Variants in ZPBP observed in about 807,000 individuals in gnomAD.
ZPBP encodes the protein zona pellucida binding protein.
Under a neutral mutation model 44.8 loss-of-function variants are expected in ZPBP, and 26 were observed. That is an observed-to-expected ratio of 0.58 (90% CI 0.43 to 0.81). The LOEUF is 0.81. ZPBP is among the 30% of genes least tolerant of loss of function. The probability of loss-of-function intolerance (pLI) is 0.00; values close to 1 mark genes in which losing one functional copy is unlikely to be tolerated. For synonymous variants in ZPBP, 174 were observed against 153.2 expected, an observed-to-expected ratio of 1.14 and a Z score of -1.00; for missense variants, 409 against 434.0, an observed-to-expected ratio of 0.94 and a Z score of 0.51.
At chr7:49,914,605 A>C (rs1793622477) in intron 1 of ZPBP, 1 of 152,204 alleles carries the variant, frequency 6.6e-6, no homozygotes. Flanking sequence ...CATTAATAAT[A>C]ATGGCATTAT....
chr7:49,995,812 G>C (rs1473917234), intron 6 of ZPBP, among the ~76,000 whole-genome samples: 1 of 152,126 alleles, frequency 6.6e-6, no homozygotes, highest in Non-Finnish European at 1.5e-5. Context: ...ATGTGGGAAC[G>C]AAAAAGTTGT....
At chr7:49,990,619 T>C (rs1480802175) in intron 6 of ZPBP, among the ~76,000 whole-genome samples, 1 of 150,880 alleles carries the variant, frequency 6.6e-6, no homozygotes, top group Non-Finnish European at 1.5e-5. Context: ...TAAGTATATA[T>C]GGGGGGGGAC....
chr7:49,902,864 C>T (rs1383579944), intron 1 of ZPBP, among the ~76,000 whole-genome samples: 1 of 151,930 alleles, frequency 6.6e-6, no homozygotes, highest in African/African-American at 2.4e-5. Flanking sequence ...ATTTGTAAAC[C>T]ACATGTCTGA....
At chr7:49,841,916 C>T in the ZPBP span, among the ~76,000 whole-genome samples, 17 of 152,054 alleles carry the variant, frequency 1.1e-4, no homozygotes, top group African/African-American at 4.1e-4. Flanking sequence ...GCCCAGACTG[C>T]AGTGCAATGG....
At chr7:49,942,313 C>G in intron 7 of ZPBP, 1 of 228,668 alleles carries the variant, frequency 4.4e-6, no homozygotes, top group Non-Finnish European at 8.6e-6. Flanking sequence ...TCTTTTTGTT[C>G]CCGCTTGTAT....
At chr7:49,850,562 CA>C (rs1321315800) in intron 2 of ZPBP, 22 of 152,210 alleles carry the variant, frequency 1.4e-4, no homozygotes, top group African/African-American at 5.3e-4. Flanking sequence ...CATGAACTCA[CA>C]AGATGTCCAC....
intron 2 of ZPBP, among the ~76,000 whole-genome samples, chr7:49,899,380 G>A (rs977316249): frequency 6.6e-6 from 1 of 151,964 alleles, no homozygotes; most frequent in African/African-American, 2.4e-5. Flanking sequence ...TCCATTTAAT[G>A]TTTTTGGATT....
intron 6 of ZPBP, among the ~76,000 whole-genome samples, chr7:50,006,143 A>G (rs1224775329): frequency 6.6e-6 from 1 of 151,920 alleles, no homozygotes; most frequent in South Asian, 2.1e-4. Context: ...GCCTAAAGAT[A>G]TGGAGCAAAT....
At chr7:49,962,328 TA>T (rs1795893154) in intron 7 of ZPBP, among the ~76,000 whole-genome samples, 1 of 151,896 alleles carries the variant, frequency 6.6e-6, no homozygotes, top group African/African-American at 2.4e-5. Flanking sequence ...GGAGTTTATG[TA>T]AGGTTGCTTT....
At chr7:50,016,337 A>G (rs997801556) in intron 6 of ZPBP, among the ~76,000 whole-genome samples, 1 of 152,178 alleles carries the variant, frequency 6.6e-6, no homozygotes, top group African/African-American at 2.4e-5. Flanking sequence ...ACATGTTGTC[A>G]CTTATAAGTG....
chr7:49,972,316 CATT>C (rs1040581827), intron 7 of ZPBP, among the ~76,000 whole-genome samples: 1 of 151,862 alleles, frequency 6.6e-6, no homozygotes, highest in Non-Finnish European at 1.5e-5. Flanking sequence ...TCACAGATGA[CATT>C]ATCTTTTTTG....
chr7:49,881,117 G>C (rs975585803), intron 2 of ZPBP, among the ~76,000 whole-genome samples: 1 of 152,150 alleles, frequency 6.6e-6, no homozygotes, highest in African/African-American at 2.4e-5. Context: ...CAGCCTGAGA[G>C]GCCAGGTTTG....
At chr7:50,005,545 T>C (rs1222859804) in intron 6 of ZPBP, among the ~76,000 whole-genome samples, 1 of 152,024 alleles carries the variant, frequency 6.6e-6, no homozygotes, top group Non-Finnish European at 1.5e-5. Context: ...CATTAAGTTG[T>C]TATCAGTTTA....
chr7:49,925,280 T>A lies in ZPBP; in HGVS notation n.411+10471A>T, dbSNP rs1794193253. 2.0e-5 allele frequency among the ~76,000 whole-genome samples: 3 copies of A among 152,332 alleles called. No individual in the cohort carries two copies. In the South Asian group the frequency reaches 6.2e-4, roughly 32 times the overall value. On this transcript the variant is annotated intron_variant and non_coding_transcript_variant, in intron 1 of 2. Coordinates refer to the ZPBP transcript ENST00000465922. ...CACACACACAGTGAGTACGTATACA[T>A]CCCTGTAAAGATGAACCAGTGGACA...
At chr7:49,878,000 T>C (rs779528251) in intron 2 of ZPBP, among the ~76,000 whole-genome samples, 2 of 152,146 alleles carry the variant, frequency 1.3e-5, no homozygotes, top group Non-Finnish European at 2.9e-5. Context: ...TTGATATCTT[T>C]GGATGACTGA....
At chr7:49,842,588 A>C in the ZPBP span, among the ~76,000 whole-genome samples, 1 of 152,210 alleles carries the variant, frequency 6.6e-6, no homozygotes. Context: ...TCACCCTATA[A>C]TCATGTGTCA....
intron 7 of ZPBP, among the ~76,000 whole-genome samples, chr7:49,948,198 T>C (rs1484472156): frequency 1.3e-5 from 2 of 152,194 alleles, no homozygotes; most frequent in African/African-American, 2.4e-5. Flanking sequence ...TCCACAAAGC[T>C]GGTATCCAAG....
In ZPBP at chr7:49,892,477, C is replaced by T. The variant is rs542598008; in HGVS notation, n.509+8641G>A. Reference sequence around the variant, plus strand: ...AAGTCCTGCTATACAGGGGTATATACATTATGATTATCTAAGGAGTGCAGA... The same window carrying T: ...AAGTCCTGCTATACAGGGGTATATATATTATGATTATCTAAGGAGTGCAGA... On this transcript the variant is annotated intron_variant and non_coding_transcript_variant, in intron 2 of 2. Transcript: ENST00000465922. Among the ~76,000 whole-genome samples, 24 of 152,276 alleles carry T rather than the reference C, an allele frequency of 1.6e-4. No individual in the cohort carries two copies. In the South Asian group the frequency reaches 5.0e-3, roughly 32 times the overall value.
chr7:49,913,864 TAGTA>T (rs1793587860), intron 1 of ZPBP: 1 of 147,930 alleles, frequency 6.8e-6, no homozygotes, highest in African/African-American at 2.7e-5. Context: ...TTGTGAACCT[TAGTA>T]AGTATAAAGA....
Sources: allele counts gnomAD v4.1 joint callset (sites outside exome capture counted in the v4.1 genomes callset), GRCh38; gene constraint gnomAD v4.1.1; transcripts MANE v1.5; gene names NCBI Gene and HGNC (gene_info 2026-07-23, HGNC 2026-07-21).